The following COL19A1 variants were observed in gnomAD, a reference collection of about 807,000 sequenced individuals.
COL19A1 encodes the protein collagen type XIX alpha 1 chain.
A neutral mutation model predicts 190.2 loss-of-function variants in COL19A1; 159 were observed. The observed-to-expected ratio is 0.84, with a 90% confidence interval of 0.73 to 0.95. COL19A1 has a LOEUF of 0.95. COL19A1 is among the 40% of genes least tolerant of loss of function. The pLI is 0.00. For missense variants in COL19A1, 1,418 were observed against 1,431.9 expected (o/e 0.99, Z 0.16); for synonymous variants, 509 against 458.9 (o/e 1.11, Z -1.39).
intron 1 of COL19A1, among the ~76,000 whole-genome samples, chr6:69,875,114 T>C (rs1768060689): frequency 6.6e-6 from 1 of 152,246 alleles, no homozygotes; most frequent in Non-Finnish European, 1.5e-5. Context: ...ACCAATGTGC[T>C]TCTTGGTCAG....
intron 16 of COL19A1, among the ~76,000 whole-genome samples, chr6:70,112,585 A>C (rs1312602589): frequency 1.3e-5 from 2 of 152,102 alleles, no homozygotes; most frequent in African/African-American, 2.4e-5. Context: ...AATTAGGTTG[A>C]TATCTGGGGA....
chr6:70,202,524 A>G (rs78415554), intron 49 of COL19A1, among the ~76,000 whole-genome samples: 2,098 of 152,312 alleles, frequency 0.014, 75 homozygotes, highest in East Asian at 0.13. Context: ...TTAAAATTAA[A>G]TGGTTGGTTT....
At chr6:70,179,862 T>C (rs890777472) in intron 42 of COL19A1, among the ~76,000 whole-genome samples, 3 of 152,140 alleles carry the variant, frequency 2.0e-5, no homozygotes, top group Non-Finnish European at 4.4e-5. Context: ...CTCTGTCCCC[T>C]TAGAAATGCC....
At chr6:69,895,563 G>C (rs990290540) in intron 2 of COL19A1, among the ~76,000 whole-genome samples, 8 of 152,286 alleles carry the variant, frequency 5.3e-5, no homozygotes, top group African/African-American at 1.9e-4. Flanking sequence ...GTCCCTGCTA[G>C]AGCACTTCCC....
intron 4 of COL19A1, among the ~76,000 whole-genome samples, chr6:69,921,411 C>CATATATATCATATATCATATATATCAT (rs377420368): frequency 4.9e-5 from 4 of 82,088 alleles, no homozygotes; most frequent in South Asian, 3.4e-4. Flanking sequence ...TCATATATAT[C>CATATATATCATATATCATATATATCAT]ATATATCATA....
At chr6:69,938,854 TC>T (rs1246861472) in intron 9 of COL19A1, among the ~76,000 whole-genome samples, 1 of 152,160 alleles carries the variant, frequency 6.6e-6, no homozygotes, top group African/African-American at 2.4e-5. Context: ...ATATCTTTTG[TC>T]AGCTAATCAG....
At chr6:70,001,308 C>T (rs985039058) in intron 11 of COL19A1, among the ~76,000 whole-genome samples, 1 of 152,128 alleles carries the variant, frequency 6.6e-6, no homozygotes, top group African/African-American at 2.4e-5. Flanking sequence ...AGCGTGATGC[C>T]TCCAGCTTTG....
At chr6:70,183,453 G>C (rs1315652138) in intron 44 of COL19A1, among the ~76,000 whole-genome samples, 2 of 152,138 alleles carry the variant, frequency 1.3e-5, no homozygotes, top group Non-Finnish European at 2.9e-5. Flanking sequence ...ATAAAAAACA[G>C]GTTATAGGGT....
At chr6:69,958,689 T>C (rs1371820125) in intron 9 of COL19A1, among the ~76,000 whole-genome samples, 1 of 152,208 alleles carries the variant, frequency 6.6e-6, no homozygotes, top group East Asian at 1.9e-4. Flanking sequence ...AATACTTTGA[T>C]AATTTAATCT....
At chr6:69,879,497 A>T in intron 1 of COL19A1, 39 bp from the exon 2 acceptor site, 1 of 1,212,138 alleles carries the variant, frequency 8.2e-7, no homozygotes, top group Non-Finnish European at 1.2e-6. Flanking sequence ...GGAGCTGCAT[A>T]CAATAAACTT....
intron 4 of COL19A1, among the ~76,000 whole-genome samples, chr6:69,907,107 A>ATTTTTTTTTTTTTTTTT (rs56927758): frequency 7.7e-6 from 1 of 129,404 alleles, no homozygotes; most frequent in Non-Finnish European, 1.6e-5. Flanking sequence ...TATTATTATT[A>ATTTTTTTTTTTTTTTTT]TTTTTTTTTT....
rs543186897 is a variant in COL19A1 at position 69,914,640 on chromosome 6, T to C, written c.267-13269T>C. ...AAAATTAAATAAATAAAGCTTGGTCTTGTTAAACAAATAAATAAAGCTTAG... is the reference window on the plus strand; with the variant it reads ...AAAATTAAATAAATAAAGCTTGGTCCTGTTAAACAAATAAATAAAGCTTAG... On this transcript the variant is annotated intron_variant, in intron 4 of 50. Transcript: ENST00000620364. Among the ~76,000 whole-genome samples, 4 of 149,102 alleles carry C rather than the reference T, an allele frequency of 2.7e-5. No individual in the cohort carries two copies. In the East Asian group the frequency reaches 7.8e-4, roughly 29 times the overall value.
chr6:69,994,338 CAAGCAAATAAAG>C (rs1776784769), intron 11 of COL19A1, among the ~76,000 whole-genome samples: 1 of 151,996 alleles, frequency 6.6e-6, no homozygotes, highest in South Asian at 2.1e-4. Flanking sequence ...TATTAATGCC[CAAGCAAATAAAG>C]AAGAAAATGC....
intron 4 of COL19A1, among the ~76,000 whole-genome samples, chr6:69,918,438 T>C (rs1180348256): frequency 6.6e-6 from 1 of 152,182 alleles, no homozygotes. Flanking sequence ...GGCTCATGCC[T>C]GTAATCCCAG....
intron 16 of COL19A1, among the ~76,000 whole-genome samples, chr6:70,120,724 T>G (rs184248272): frequency 6.6e-6 from 1 of 152,322 alleles, no homozygotes; most frequent in East Asian, 1.9e-4. Flanking sequence ...AGCCTGCTTC[T>G]AAGTATCCAT....
Position 69,932,811 on chromosome 6 carries a change from G to A in COL19A1, c.695G>A (p.Cys232Tyr). 1 of 1,606,560 alleles carries A rather than the reference G, an allele frequency of 6.2e-7. No homozygotes were observed. Among genetic ancestry groups the A allele is most frequent in the Non-Finnish European group, 8.5e-7 (1 of 1,175,596 alleles). The stretch of plus-strand genomic sequence containing the variant: ...GAACTTCACCAACTTAAAATCTACT[G>A]CAGTGCAAACCTCATAGCTCAAGAA... ...DIELHQLKIY[C>Y]SANLIAQETC... Residue 232 changes from cysteine (C) to tyrosine (Y), a missense_variant, in exon 7 of 51, where the codon TGC becomes TAC. Physicochemically the swap from Cys to Tyr is radical, Grantham distance 194 (BLOSUM62 -2). Transcript: ENST00000620364.
chr6:69,953,794 A>G (rs1308428887), intron 9 of COL19A1, among the ~76,000 whole-genome samples: 8 of 152,108 alleles, frequency 5.3e-5, no homozygotes, highest in Admixed American at 1.3e-4. Context: ...TGTTTGGTTT[A>G]ATGTACTACC....
intron 48 of COL19A1, among the ~76,000 whole-genome samples, chr6:70,193,543 C>G (rs1767008478): frequency 6.6e-6 from 1 of 152,192 alleles, no homozygotes; most frequent in African/African-American, 2.4e-5. Context: ...CTGGCCAGGT[C>G]CAGGTGAGTG....
chr6:70,032,831 T>A lies in COL19A1; in HGVS notation c.1081-1414T>A, dbSNP rs1005219205. Among the ~76,000 whole-genome samples, 6 of 152,228 alleles carry A rather than the reference T, an allele frequency of 3.9e-5. No homozygotes were observed. In the East Asian group the frequency reaches 1.2e-3, roughly 29 times the overall value. On this transcript the variant is annotated intron_variant, in intron 12 of 50. Coordinates refer to ENST00000620364, the MANE Select transcript of COL19A1 (RefSeq NM_001858.6). ...TTGAATAAATAAGTGAAAGAACAAA[T>A]GAATTAATAATAAATCTATTCACAG...
Sources: gnomAD v4.1 joint callset for allele counts (sites outside exome capture counted in the v4.1 genomes callset) on GRCh38, gnomAD v4.1.1 for gene constraint, MANE v1.5 for transcripts, NCBI Gene and HGNC (gene_info 2026-07-23, HGNC 2026-07-21) for gene names.